SERPINB2: variants seen among roughly 807,000 people sequenced by gnomAD.
SERPINB2 encodes the protein serpin family B member 2.
In SERPINB2, 28 loss-of-function variants were observed where a neutral mutation model predicts 39.4. That is an observed-to-expected ratio of 0.71 (90% CI 0.53 to 0.97). The LOEUF is 0.97. Among genes scored for constraint, SERPINB2 ranks in the 50% least tolerant of loss-of-function variants. SERPINB2 has a pLI of 0.00. For missense variants in SERPINB2, 557 were observed against 505.3 expected (o/e 1.10, Z -0.98); for synonymous variants, 209 against 175.1 (o/e 1.19, Z -1.53).
In SERPINB2 at chr18:63,897,737, G is replaced by A. The variant is rs763497538; in HGVS notation, c.428G>A (p.Arg143Gln). 1.9e-5 allele frequency: 31 copies of A among 1,599,470 alleles called. No individual in the cohort carries two copies. Among genetic ancestry groups the A allele is most frequent in the East Asian group, 2.2e-5 (1 of 44,810 alleles). The change falls in exon 5 of 8, where the codon CGA becomes CAA. Residue 143 changes from arginine (R) to glutamine (Q), a missense_variant. Physicochemically the swap from Arg to Gln is conservative, Grantham distance 43 (BLOSUM62 1). Coordinates refer to ENST00000299502, the MANE Select transcript of SERPINB2 (RefSeq NM_002575.3). ...TTTCTTGCTTTAAAGGAATATATTC[G>A]ACTCTGTCAGAAATATTACTCCTCA... Reference protein sequence around the residue: ...KSASFREEYIRLCQKYYSSEP... With the variant: ...KSASFREEYIQLCQKYYSSEP...
At chr18:63,890,004 T>G (rs2049915714) in intron 1 of SERPINB2, 1 of 152,134 alleles carries the variant, frequency 6.6e-6, no homozygotes. Context: ...ACAAGTTACT[T>G]AATGTTTCTG....
chr18:63,895,228 G>A, intron 2 of SERPINB2, 36 bp from the exon 3 acceptor site: 1 of 1,607,270 alleles, frequency 6.2e-7, no homozygotes, highest in Non-Finnish European at 8.5e-7. Flanking sequence ...TAAATCCGTG[G>A]GCAAGTGTAA....
intron 5 of SERPINB2, among the ~76,000 whole-genome samples, chr18:63,901,163 G>C (rs1266509870): frequency 6.6e-6 from 1 of 151,890 alleles, no homozygotes; most frequent in Non-Finnish European, 1.5e-5. Flanking sequence ...ATATTATTTA[G>C]CTCAATTACA....
Position 63,901,798 on chromosome 18 carries a change from G to A in SERPINB2, c.594G>A (p.Leu198=), listed in dbSNP as rs763447966. The A allele has an allele frequency of 5.6e-6, 9 of 1,599,458 alleles. No individual in the cohort carries two copies. The highest frequency in any genetic ancestry group is 5.1e-6 in the Non-Finnish European group (6 of 1,176,232). The stretch of plus-strand genomic sequence containing the variant: ...TAGATGGGGATACCAGGATGGTCCT[G>A]GTGAATGCTGTCTACTTCAAAGGAA... The part of the protein sequence containing the change: ...GSVDGDTRMV[L]VNAVYFKGKW... The change falls in exon 6 of 8, where the codon CTG becomes CTA. Residue 198 remains leucine, a synonymous_variant. Coordinates refer to ENST00000299502, the MANE Select transcript of SERPINB2 (RefSeq NM_002575.3).
chr18:63,892,342 G>A (rs2049932070), intron 2 of SERPINB2, among the ~76,000 whole-genome samples: 2 of 152,160 alleles, frequency 1.3e-5, no homozygotes, highest in Admixed American at 6.5e-5. Context: ...ACTCAGTCAG[G>A]AAACTCTTTC....
In SERPINB2 at chr18:63,901,784, AC is replaced by A; in HGVS notation, c.582del (p.Arg195GlyfsTer5). Reference protein sequence around the residue: ...LLPEGSVDGDTRMVLVNAVYF... With the variant: ...LLPEGSVDGDXRMVLVNAVYF... Reference sequence around the variant, plus strand: ...ACCTGAAGGTTCTGTAGATGGGGATACCAGGATGGTCCTGGTGAATGCTGTC... The same window carrying A: ...ACCTGAAGGTTCTGTAGATGGGGATACAGGATGGTCCTGGTGAATGCTGTC... On this transcript the variant is annotated frameshift_variant, in exon 6 of 8. Coordinates refer to ENST00000299502, the MANE Select transcript of SERPINB2 (RefSeq NM_002575.3). LOFTEE classifies it high-confidence loss of function. The A allele has an allele frequency of 6.3e-7, 1 of 1,586,914 alleles. No homozygotes were observed. Among genetic ancestry groups the A allele is most frequent in the Admixed American group, 1.9e-5 (1 of 51,792 alleles).
chr18:63,898,923 T>C (rs2049976616), intron 5 of SERPINB2, among the ~76,000 whole-genome samples: 1 of 152,112 alleles, frequency 6.6e-6, no homozygotes, highest in East Asian at 1.9e-4. Flanking sequence ...AAAGAGGTGA[T>C]GCAGTACACT....
chr18:63,897,581 C>A, intron 4 of SERPINB2, 146 bp from the exon 5 acceptor site: 2 of 727,290 alleles, frequency 2.7e-6, no homozygotes, highest in East Asian at 2.5e-5. Flanking sequence ...CTCTTTCCCC[C>A]TTCAGCACCT....
chr18:63,892,102 T>C (rs2049930073), intron 2 of SERPINB2, among the ~76,000 whole-genome samples: 1 of 148,910 alleles, frequency 6.7e-6, no homozygotes, highest in South Asian at 2.1e-4. Context: ...GTTAAGAGAG[T>C]ATCACAAAGG....
intron 7 of SERPINB2, 46 bp from the exon 8 acceptor site, chr18:63,902,855 C>T (rs763566478): frequency 4.4e-5 from 65 of 1,479,512 alleles, no homozygotes; most frequent in Admixed American, 2.0e-4. Context: ...CTTTCTAATA[C>T]TTGCTGTATT....
intron 5 of SERPINB2, 126 bp from the exon 6 acceptor site, chr18:63,901,614 A>G (rs981433088): frequency 3.2e-6 from 2 of 634,040 alleles, no homozygotes; most frequent in Non-Finnish European, 4.8e-6. Flanking sequence ...AACCTAAAAA[A>G]CTTTAGCTTG....
At position 63,903,372 on chromosome 18, in the gene SERPINB2, A is replaced by T; in HGVS notation, c.*67A>T. The stretch of plus-strand genomic sequence containing the variant: ...CTGTGTGCCTCAGAATTGCTATTTC[A>T]AATTGCCAAAAATTTAGAGATGTTT... On this transcript the variant is annotated 3_prime_UTR_variant, in exon 8 of 8. Coordinates refer to ENST00000299502, the MANE Select transcript of SERPINB2 (RefSeq NM_002575.3). The T allele has an allele frequency of 1.4e-6, 2 of 1,412,920 alleles. No homozygotes were observed. Among genetic ancestry groups the T allele is most frequent in the South Asian group, 3.4e-5 (2 of 58,284 alleles). 87.5% of individuals were successfully genotyped at this position (1,412,920 alleles called of 1,614,324 possible).
In SERPINB2 at chr18:63,903,320, C is replaced by T. The variant is rs748235255; in HGVS notation, c.*15C>T. On this transcript the variant is annotated 3_prime_UTR_variant, in exon 8 of 8. Transcript: ENST00000299502. Reference sequence around the variant, plus strand: ...CCTCACCCTAAAACTAAGCGTGCTGCTTCTGCAAAAGATTTTTGTAGATGA... The same window carrying T: ...CCTCACCCTAAAACTAAGCGTGCTGTTTCTGCAAAAGATTTTTGTAGATGA... The T allele has an allele frequency of 1.8e-5, 26 of 1,473,936 alleles. No individual in the cohort carries two copies. The highest frequency in any genetic ancestry group is 1.8e-4 in the Middle Eastern group (1 of 5,474). 91.3% of individuals were successfully genotyped at this position (1,473,936 alleles called of 1,614,324 possible).
chr18:63,897,801 A>G lies in SERPINB2; in HGVS notation c.492A>G (p.Glu164=), dbSNP rs185872665. ...QAVDFLECAE[E]ARKKINSWVK... ...TAGACTTCCTAGAATGTGCAGAAGAAGCTAGAAAAAAGATTAATTCCTGGG... is the reference window on the plus strand; with the variant it reads ...TAGACTTCCTAGAATGTGCAGAAGAGGCTAGAAAAAAGATTAATTCCTGGG... The change falls in exon 5 of 8, where the codon GAA becomes GAG. Residue 164 remains glutamate, a synonymous_variant. Coordinates refer to ENST00000299502, the MANE Select transcript of SERPINB2 (RefSeq NM_002575.3). 6.2e-7 allele frequency: 1 copy of G among 1,613,172 alleles called. No homozygotes were observed. Among genetic ancestry groups the G allele is most frequent in the East Asian group, 2.2e-5 (1 of 44,866 alleles).
At chr18:63,901,715 TA>T in intron 5 of SERPINB2, 24 bp from the exon 6 acceptor site, 1 of 1,487,612 alleles carries the variant, frequency 6.7e-7, no homozygotes, top group Non-Finnish European at 8.9e-7. Context: ...TTATGAAACC[TA>T]AATATATGTT....
At chr18:63,890,165 T>C (rs1404093350) in intron 1 of SERPINB2, 1 of 152,214 alleles carries the variant, frequency 6.6e-6, no homozygotes, top group Non-Finnish European at 1.5e-5. Flanking sequence ...TCTGGTTGTA[T>C]TCCAAATGAG....
chr18:63,902,502 T>G lies in SERPINB2; in HGVS notation c.777T>G (p.Ala259=). Residue 259 remains alanine (A), a synonymous_variant, in exon 7 of 8, where the codon GCT becomes GCG. Transcript: ENST00000299502. ...CTCAGATTCTAGAACTCCCATATGC[T>G]GGAGATGTTAGCATGTTCTTGTTGC... ...LKAQILELPY[A]GDVSMFLLLP... 1 of 1,613,672 alleles carries G rather than the reference T, an allele frequency of 6.2e-7. No individual in the cohort carries two copies. The highest frequency in any genetic ancestry group is 1.7e-4 in the Middle Eastern group (1 of 6,048).
chr18:63,901,962 C>T, intron 6 of SERPINB2, 80 bp downstream of exon 6: 1 of 1,333,340 alleles, frequency 7.5e-7, no homozygotes, highest in Non-Finnish European at 1.0e-6. Context: ...TTAGAGACCG[C>T]TCATTATAGA....
chr18:63,891,475 T>C lies in SERPINB2; in HGVS notation c.31T>C (p.Phe11Leu), dbSNP rs766542989. The C allele has an allele frequency of 1.1e-5, 17 of 1,614,180 alleles. No individual in the cohort carries two copies. The highest frequency in any genetic ancestry group is 1.4e-5 in the Non-Finnish European group (17 of 1,180,032). The stretch of plus-strand genomic sequence containing the variant: ...GGATCTTTGTGTGGCAAACACACTC[T>C]TTGCCCTCAATTTATTCAAGCATCT... MEDLCVANTLFALNLFKHLAK... is the reference protein window; with the variant it reads MEDLCVANTLLALNLFKHLAK... Residue 11 changes from phenylalanine to leucine, a missense_variant, in exon 2 of 8, where the codon TTT (phenylalanine) becomes CTT (leucine). Phe to Leu is a conservative substitution (Grantham distance 22, BLOSUM62 0). Transcript: ENST00000299502.
Sources: gnomAD v4.1 joint callset for allele counts (sites outside exome capture counted in the v4.1 genomes callset) on GRCh38, gnomAD v4.1.1 for gene constraint, MANE v1.5 for transcripts, NCBI Gene and HGNC (gene_info 2026-07-23, HGNC 2026-07-21) for gene names.